Variants in KLK6 observed in about 807,000 individuals in gnomAD.
KLK6 encodes kallikrein-6.
In KLK6, 16 loss-of-function variants were observed where a neutral mutation model predicts 21.7. That is an observed-to-expected ratio of 0.74 (90% CI 0.50 to 1.12). KLK6 has a LOEUF of 1.12. Among genes scored for constraint, KLK6 ranks in the 50% most tolerant of loss-of-function variants. The pLI is 0.00. For synonymous variants in KLK6, 116 were observed against 120.1 expected (o/e 0.97, Z 0.22); for missense variants, 276 against 304.6 (o/e 0.91, Z 0.70).
chr19:50,966,164 GCAA>G (rs1427368950), intron 4 of KLK6, among the ~76,000 whole-genome samples: 2 of 152,130 alleles, frequency 1.3e-5, no homozygotes, highest in Non-Finnish European at 2.9e-5. Context: ...CGTGGCTAAA[GCAA>G]AATGTCAGAT....
At chr19:50,966,964 TC>T (rs1384314386) in intron 4 of KLK6, among the ~76,000 whole-genome samples, 1 of 152,226 alleles carries the variant, frequency 6.6e-6, no homozygotes, top group Non-Finnish European at 1.5e-5. Context: ...TTTTTTGTTT[TC>T]TTTTTTTTAT....
In KLK6 at chr19:50,959,252, A is replaced by T. The variant is rs745826441; in HGVS notation, c.647T>A (p.Ile216Asn). The T allele has an allele frequency of 4.3e-5, 69 of 1,613,732 alleles. No homozygotes were observed. The highest frequency in any genetic ancestry group is 5.5e-5 in the Non-Finnish European group (65 of 1,179,960). The change falls in exon 7 of 7, where the codon ATC becomes AAC. Residue 216 changes from isoleucine to asparagine, a missense_variant. By Grantham distance (149) the Ile-to-Asn change is moderately radical. Coordinates refer to ENST00000310157, the MANE Select transcript of KLK6 (RefSeq NM_002774.4). ...TGGCTTCTCCTTTGATCCACAGGGG[A>T]TGTTACCCCATGACACAAGGCCTCG... Reference protein sequence around the residue: ...HLRGLVSWGNIPCGSKEKPGV... With the variant: ...HLRGLVSWGNNPCGSKEKPGV...
In KLK6 at chr19:50,968,587, A is replaced by G. The variant is rs992333579; in HGVS notation, c.-55T>C. ...CGGGGATTCTTGAGTCGGGGGAAGG[A>G]ACAGCTTTGAGACGAGGAGGCAGAA... On this transcript the variant is annotated 5_prime_UTR_variant, in exon 2 of 7. Coordinates refer to ENST00000310157, the MANE Select transcript of KLK6 (RefSeq NM_002774.4). 4 of 169,250 alleles carry G rather than the reference A, an allele frequency of 2.4e-5. No homozygotes were observed. Among genetic ancestry groups the G allele is most frequent in the Admixed American group, 1.2e-4 (2 of 16,696 alleles). The allele number at this position is 169,250 out of a possible 1,614,324, so 10.5% of individuals were successfully genotyped here.
At chr19:50,962,724 T>C (rs914064979) in intron 5 of KLK6, 1 of 153,816 alleles carries the variant, frequency 6.5e-6, no homozygotes, top group Non-Finnish European at 1.4e-5. Flanking sequence ...CTTCATCCAA[T>C]GGTTCACCTT....
chr19:50,967,414 GTGC>G, intron 3 of KLK6, 89 bp from the exon 4 acceptor site: 1 of 1,324,504 alleles, frequency 7.5e-7, no homozygotes, highest in African/African-American at 1.5e-5. Flanking sequence ...GATTGGTCAG[GTGC>G]AGTGGCTTAT....
At chr19:50,965,447 G>A (rs903632332) in intron 4 of KLK6, among the ~76,000 whole-genome samples, 15 of 151,860 alleles carry the variant, frequency 9.9e-5, no homozygotes, top group African/African-American at 3.6e-4. Flanking sequence ...ACCACGCCTG[G>A]CTAATTTTTT....
intron 5 of KLK6, 119 bp from the exon 6 acceptor site, chr19:50,961,999 A>G: frequency 9.5e-7 from 1 of 1,047,210 alleles, no homozygotes; most frequent in Non-Finnish European, 1.3e-6. Context: ...TTCTATTGGC[A>G]CCCCTCTTCC....
At chr19:50,959,438 G>A in intron 6 of KLK6, 122 bp from the exon 7 acceptor site, 1 of 845,298 alleles carries the variant, frequency 1.2e-6, no homozygotes, top group Non-Finnish European at 1.8e-6. Flanking sequence ...AGGGACAGAG[G>A]TACTTACTGA....
intron 6 of KLK6, among the ~76,000 whole-genome samples, chr19:50,960,509 C>A (rs908298668): frequency 1.3e-5 from 2 of 152,106 alleles, no homozygotes; most frequent in African/African-American, 4.8e-5. Flanking sequence ...TCCTCCAGAG[C>A]CTGGTCGTTT....
chr19:50,963,666 G>T, intron 4 of KLK6, 117 bp from the exon 5 acceptor site: 1 of 1,177,590 alleles, frequency 8.5e-7, no homozygotes, highest in Non-Finnish European at 1.2e-6. Context: ...TCCCCAGCTG[G>T]GTAAATGGCA....
rs748681294 is a variant in KLK6 at position 50,963,346 on chromosome 19, T to C, written c.401A>G (p.Asn134Ser). 2 of 1,614,132 alleles carry C rather than the reference T, an allele frequency of 1.2e-6. No homozygotes were observed. The highest frequency in any genetic ancestry group is 2.2e-5 in the East Asian group (1 of 44,876). Reference protein sequence around the residue: ...PLPLERDCSANTTSCHILGWG... With the variant: ...PLPLERDCSASTTSCHILGWG... ...GCCCAGGATGTGGCAGCTGGTGGTG[T>C]TGGCTGAGCAGTCCCTCTCCAGGGG... Residue 134 changes from asparagine to serine, a missense_variant, in exon 5 of 7, where the codon AAC (asparagine) becomes AGC (serine). Transcript: ENST00000310157.
chr19:50,967,068 T>C, intron 4 of KLK6, 101 bp downstream of exon 4: 1 of 1,336,044 alleles, frequency 7.5e-7, no homozygotes, highest in Non-Finnish European at 1.1e-6. Context: ...GATGGCCTCG[T>C]GCTGGGATGG....
At chr19:50,967,058 G>C in intron 4 of KLK6, 111 bp downstream of exon 4, 1 of 1,204,540 alleles carries the variant, frequency 8.3e-7, no homozygotes, top group Non-Finnish European at 1.2e-6. Context: ...CTGGCTATCA[G>C]ATGGCCTCGT....
intron 1 of KLK6, among the ~76,000 whole-genome samples, chr19:50,969,244 G>A (rs1291500969): frequency 6.6e-6 from 1 of 152,104 alleles, no homozygotes; most frequent in African/African-American, 2.4e-5. Context: ...AGGGGCTGGG[G>A]CCTGAATCTG....
chr19:50,966,236 C>T lies in KLK6; in HGVS notation c.197+933G>A, dbSNP rs540038679. Among the ~76,000 whole-genome samples, 11 of 152,310 alleles carry T rather than the reference C, an allele frequency of 7.2e-5. No individual in the cohort carries two copies. The East Asian group carries it at 1.7e-3, about 24-fold the overall frequency. ...CCCTCTCCCACAACTCAGAGAAAGA[C>T]GTGGCAAAACACCCAGTTGTTCAGG... is the stretch of plus-strand genomic sequence containing the variant. On this transcript the variant is annotated intron_variant, in intron 4 of 6. Transcript: ENST00000310157.
chr19:50,962,058 A>G, intron 5 of KLK6, 178 bp from the exon 6 acceptor site: 2 of 578,810 alleles, frequency 3.5e-6, no homozygotes, highest in Non-Finnish European at 2.8e-6. Context: ...CTGCCTCCTA[A>G]TTGGTCCCTC....
In KLK6 at chr19:50,959,332, A is replaced by G. The variant is rs772064506; in HGVS notation, c.583-16T>C. 6.2e-7 allele frequency: 1 copy of G among 1,611,726 alleles called. No individual in the cohort carries two copies. Among genetic ancestry groups the G allele is most frequent in the South Asian group, 1.1e-5 (1 of 90,930 alleles). On this transcript the variant is annotated splice_polypyrimidine_tract_variant and intron_variant, in intron 6 of 6. Transcript: ENST00000310157. ...CAGAATCACCCTGCAGGAAAGAGGG[A>G]GAAAGTCAGATACAGATAGAAACCC...
In KLK6 at chr19:50,961,833, G is replaced by A. The variant is rs1230493997; in HGVS notation, c.493C>T (p.Arg165Cys). Residue 165 changes from arginine (R) to cysteine (C), a missense_variant, in exon 6 of 7, where the codon CGT (arginine) becomes TGT (cysteine). Physicochemically the swap from Arg to Cys is radical, Grantham distance 180. Transcript: ENST00000310157. The part of the protein sequence containing the change: ...IQCAYIHLVS[R>C]EECEHAYPGQ... ...GGGTAGGCATGCTCACACTCCTCAC[G>A]GGACACCAGGTGGATGTATGCACAC... 1.9e-6 allele frequency: 3 copies of A among 1,613,828 alleles called. No individual in the cohort carries two copies. Among genetic ancestry groups the A allele is most frequent in the East Asian group, 2.2e-5 (1 of 44,880 alleles).
intron 4 of KLK6, among the ~76,000 whole-genome samples, chr19:50,964,575 G>A (rs1037193551): frequency 6.6e-5 from 10 of 152,178 alleles, no homozygotes; most frequent in African/African-American, 2.4e-4. Context: ...AATGTAATTT[G>A]CTATATGTGG....
Sources: allele counts gnomAD v4.1 joint callset (sites outside exome capture counted in the v4.1 genomes callset), GRCh38; gene constraint gnomAD v4.1.1; transcripts MANE v1.5; gene names NCBI Gene and HGNC (gene_info 2026-07-23, HGNC 2026-07-21).